RANBP6: variants seen among roughly 807,000 people sequenced by gnomAD.
The protein encoded by RANBP6 is RAN binding protein 6, also known as ran-binding protein 6.
RANBP6 carries 10 observed loss-of-function variants against 35.3 expected under a neutral mutation model. The ratio of observed to expected loss-of-function variants is 0.28; its 90% CI spans 0.17 to 0.48. RANBP6 has a LOEUF of 0.48. Ranked by LOEUF, RANBP6 falls within the 20% of genes least tolerant of loss-of-function variation. The pLI is 0.99. For synonymous variants in RANBP6, 514 were observed against 464.2 expected (o/e 1.11, Z -1.38); for missense variants, 1,392 against 1,307.7 (o/e 1.06, Z -0.99).
At position 6,013,429 on chromosome 9, in the gene RANBP6, C is replaced by T. The variant is rs1360127332; in HGVS notation, c.2179G>A (p.Val727Ile). 6 of 1,614,114 alleles carry T rather than the reference C, an allele frequency of 3.7e-6. No homozygotes were observed. In the East Asian group the frequency reaches 6.7e-5, roughly 18 times the overall value. Residue 727 changes from valine to isoleucine, a missense_variant, in exon 1 of 1, where the codon GTT becomes ATT. Val to Ile is a conservative substitution (Grantham distance 29). Transcript: ENST00000259569. Reference protein sequence around the residue: ...PLLKFYFHDNVRVAAAESMPF... With the variant: ...PLLKFYFHDNIRVAAAESMPF... ...ATGGACTCTGCTGCTGCCACTCGAA[C>T]ATTGTCATGGAAATAAAATTTCAGT...
At position 6,013,115 on chromosome 9, in the gene RANBP6, C is replaced by A. The variant is rs747257765; in HGVS notation, c.2493G>T (p.Gln831His). 1.2e-6 allele frequency: 2 copies of A among 1,614,030 alleles called. No individual in the cohort carries two copies. The highest frequency in any genetic ancestry group is 2.2e-5 in the East Asian group (1 of 44,880). The change falls in exon 1 of 1, where the codon CAG (glutamine) becomes CAT (histidine). Residue 831 changes from glutamine (Q) to histidine (H), a missense_variant. Transcript: ENST00000259569. ...VKRQEENYDQ[Q>H]VEMSLQDEDE... is the part of the protein sequence containing the mutation. ...CCTCATCTTGCAGAGACATCTCAAC[C>A]TGTTGATCATAGTTTTCTTCCTGTC...
Position 6,014,511 on chromosome 9 carries a change from A to G in RANBP6, c.1097T>C (p.Met366Thr). Reference sequence around the variant, plus strand: ...CATCTGCATGATATGCTCCTTGGTCATTGGTAAAACAACTTTTCCACCAAG... The same window carrying G: ...CATCTGCATGATATGCTCCTTGGTCGTTGGTAAAACAACTTTTCCACCAAG... ...CGLGGKVVLPMTKEHIMQMLQ... is the reference protein window; with the variant it reads ...CGLGGKVVLPTTKEHIMQMLQ... The change falls in exon 1 of 1, where the codon ATG (methionine) becomes ACG (threonine). Residue 366 changes from methionine (M) to threonine (T), a missense_variant. Met to Thr is a moderately conservative substitution (Grantham distance 81, BLOSUM62 -1). Transcript: ENST00000259569. 1 of 1,614,182 alleles carries G rather than the reference A, an allele frequency of 6.2e-7. No individual in the cohort carries two copies. Among genetic ancestry groups the G allele is most frequent in the Non-Finnish European group, 8.5e-7 (1 of 1,180,040 alleles).
Position 6,014,448 on chromosome 9 carries a change from A to G in RANBP6, c.1160T>C (p.Leu387Ser). Residue 387 changes from leucine (L) to serine (S), a missense_variant, in exon 1 of 1, where the codon TTA becomes TCA. Coordinates refer to ENST00000259569, the MANE Select transcript of RANBP6 (RefSeq NM_012416.4). The stretch of plus-strand genomic sequence containing the variant: ...TTCTCCAATGGCAGATAAGGCCATT[A>G]ATCCAGCATGTCGATACTTCCAGTC... Reference protein sequence around the residue: ...SPDWKYRHAGLMALSAIGEGC... With the variant: ...SPDWKYRHAGSMALSAIGEGC... 1 of 1,614,242 alleles carries G rather than the reference A, an allele frequency of 6.2e-7. No individual in the cohort carries two copies.
In RANBP6 at chr9:6,013,197, A is replaced by G. The variant is rs762881183; in HGVS notation, c.2411T>C (p.Ile804Thr). ...NDEHLEELGG[I>T]LKAKLEGHFK... ...GTGCCCTTCAAGTTTTGCTTTCAGT[A>G]TTCCTCCCAGTTCTTCCAAGTGTTC... is the stretch of plus-strand genomic sequence containing the variant. The change falls in exon 1 of 1, where the codon ATA becomes ACA. Residue 804 changes from isoleucine to threonine, a missense_variant. Ile to Thr is a moderately conservative substitution (Grantham distance 89, BLOSUM62 -1). Coordinates refer to ENST00000259569, the MANE Select transcript of RANBP6 (RefSeq NM_012416.4). The G allele has an allele frequency of 5.0e-6, 8 of 1,613,880 alleles. No individual in the cohort carries two copies. Among genetic ancestry groups the G allele is most frequent in the Non-Finnish European group, 6.8e-6 (8 of 1,180,002 alleles).
chr9:6,012,373 AAGTCTGT>A lies in RANBP6; in HGVS notation c.3228_3234del (p.Gln1077LeufsTer24), dbSNP rs748016777. 1 of 1,612,658 alleles carries A rather than the reference AAGTCTGT, an allele frequency of 6.2e-7. No individual in the cohort carries two copies. The highest frequency in any genetic ancestry group is 8.5e-7 in the Non-Finnish European group (1 of 1,179,682). On this transcript the variant is annotated frameshift_variant, in exon 1 of 1. Transcript: ENST00000259569. LOFTEE classifies it high-confidence loss of function. ...ACACATTCCAACCATAAATCTTCAGAAGTCTGTACCTGACGCACGACATTAGCTAGGC... is the reference window on the plus strand; with the variant it reads ...ACACATTCCAACCATAAATCTTCAGAACCTGACGCACGACATTAGCTAGGC...
rs771981526 is a variant in RANBP6, at chr9:6,012,418, G to T, written c.3190C>A (p.Pro1064Thr). The change falls in exon 1 of 1, where the codon CCT becomes ACT. Residue 1064 changes from proline to threonine, a missense_variant. Transcript: ENST00000259569. ...ACATTAGCTAGGCGTTTGGCACAAG[G>T]ATCCTCATAGTTAATAGTCTCATTA... ...KINETINYEDPCAKRLANVVR... is the reference protein window; with the variant it reads ...KINETINYEDTCAKRLANVVR... 3.1e-6 allele frequency: 5 copies of T among 1,613,928 alleles called. No individual in the cohort carries two copies. Among genetic ancestry groups the T allele is most frequent in the East Asian group, 4.5e-5 (2 of 44,886 alleles).
Position 6,015,131 on chromosome 9 carries a change from T to G in RANBP6, c.477A>C (p.Ala159=), listed in dbSNP as rs140606775. The G allele has an allele frequency of 1.9e-6, 3 of 1,614,076 alleles. No individual in the cohort carries two copies. Among genetic ancestry groups the G allele is most frequent in the Non-Finnish European group, 2.5e-6 (3 of 1,180,028 alleles). ...YSKNVVLWEV[A]LHVFWHFPGI... ...CAGGAAAGTGCCAGAAAACGTGAAG[T>G]GCAACTTCCCATAGAACCACATTTT... The change falls in exon 1 of 1, where the codon GCA becomes GCC. Residue 159 remains alanine, a synonymous_variant. Coordinates refer to ENST00000259569, the MANE Select transcript of RANBP6 (RefSeq NM_012416.4).
In RANBP6 at chr9:6,011,995, T is replaced by A. The variant is rs549971653; in HGVS notation, c.*295A>T. On this transcript the variant is annotated 3_prime_UTR_variant, in exon 1 of 1. Coordinates refer to ENST00000259569, the MANE Select transcript of RANBP6 (RefSeq NM_012416.4). Reference sequence around the variant, plus strand: ...AAGTATACTGCTTGGCTAGCATCAATAATAGTTCAAACAAATAGCAACAAT... The same window carrying A: ...AAGTATACTGCTTGGCTAGCATCAAAAATAGTTCAAACAAATAGCAACAAT... 1 of 218,496 alleles carries A rather than the reference T, an allele frequency of 4.6e-6. No individual in the cohort carries two copies. Among genetic ancestry groups the A allele is most frequent in the African/African-American group, 2.3e-5 (1 of 43,746 alleles). 13.5% of individuals were successfully genotyped at this position (218,496 alleles called of 1,614,324 possible). A position where few individuals can be genotyped will look rare whatever the true frequency, so the allele number is the denominator to read the frequency against.
Position 6,014,417 on chromosome 9 carries a change from G to C in RANBP6, c.1191C>G (p.Cys397Trp). ...CTAGAATTGATTCCATTTGTTGATG[G>C]CATCCTTCTCCAATGGCAGATAAGG... ...LMALSAIGEG[C>W]HQQMESILDE... is the part of the protein sequence containing the mutation. The change falls in exon 1 of 1, where the codon TGC becomes TGG. Residue 397 changes from cysteine (C) to tryptophan (W), a missense_variant. Physicochemically the swap from Cys to Trp is radical, Grantham distance 215. Coordinates refer to ENST00000259569, the MANE Select transcript of RANBP6 (RefSeq NM_012416.4). 1 of 1,614,086 alleles carries C rather than the reference G, an allele frequency of 6.2e-7. No individual in the cohort carries two copies. Among genetic ancestry groups the C allele is most frequent in the Non-Finnish European group, 8.5e-7 (1 of 1,180,002 alleles).
Position 6,015,586 on chromosome 9 carries a change from C to A in RANBP6, c.22G>T (p.Gly8Trp), listed in dbSNP as rs373302472. ...TTTTCTGACACGGTCGCCGGCACCC[C>A]TGCAGACGCGGTTGCCGCCATTGCG... MAATASA[G>W]VPATVSEKQE... The change falls in exon 1 of 1, where the codon GGG (glycine) becomes TGG (tryptophan). Residue 8 changes from glycine to tryptophan, a missense_variant. Transcript: ENST00000259569. 107 of 1,599,256 alleles carry A rather than the reference C, an allele frequency of 6.7e-5. No individual in the cohort carries two copies. The highest frequency in any genetic ancestry group is 8.9e-5 in the Non-Finnish European group (105 of 1,177,826).
At position 6,011,469 on chromosome 9, in the gene RANBP6, A is replaced by T. The variant is rs980343701; in HGVS notation, c.*821T>A. The T allele has an allele frequency of 6.6e-6, 1 of 152,204 alleles. No individual in the cohort carries two copies. The highest frequency in any genetic ancestry group is 6.5e-5 in the Admixed American group (1 of 15,268). The allele number at this position is 152,204 out of a possible 1,614,324, so 9.4% of individuals were successfully genotyped here. A position where few individuals can be genotyped will look rare whatever the true frequency, so the allele number is the denominator to read the frequency against. ...TTTTTCTCTTGTTGAGCTGCTTTGC[A>T]GGGAGAAAATGGCATACATATACAA... On this transcript the variant is annotated 3_prime_UTR_variant, in exon 1 of 1. Transcript: ENST00000259569.
rs1842555630 is a variant in RANBP6 at position 6,015,331 on chromosome 9, C to T, written c.277G>A (p.Val93Ile). 1 of 1,614,212 alleles carries T rather than the reference C, an allele frequency of 6.2e-7. No homozygotes were observed. Among genetic ancestry groups the T allele is most frequent in the Non-Finnish European group, 8.5e-7 (1 of 1,180,040 alleles). Reference protein sequence around the residue: ...EEVYPNLPADVQRDVKIELIL... With the variant: ...EEVYPNLPADIQRDVKIELIL... ...AGTTCAATCTTGACATCTCTCTGAA[C>T]ATCAGCAGGCAGATTTGGATAAACC... Residue 93 changes from valine (V) to isoleucine (I), a missense_variant, in exon 1 of 1, where the codon GTT becomes ATT. Coordinates refer to ENST00000259569, the MANE Select transcript of RANBP6 (RefSeq NM_012416.4).
Position 6,014,442 on chromosome 9 carries a change from G to A in RANBP6, c.1166C>T (p.Ala389Val). Residue 389 changes from alanine to valine, a missense_variant, in exon 1 of 1, where the codon GCC becomes GTC. Ala to Val is a moderately conservative substitution (Grantham distance 64). Transcript: ENST00000259569. ...DWKYRHAGLMALSAIGEGCHQ... is the reference protein window; with the variant it reads ...DWKYRHAGLMVLSAIGEGCHQ... ...GCATCCTTCTCCAATGGCAGATAAGGCCATTAATCCAGCATGTCGATACTT... is the reference window on the plus strand; with the variant it reads ...GCATCCTTCTCCAATGGCAGATAAGACCATTAATCCAGCATGTCGATACTT... 4 of 1,614,132 alleles carry A rather than the reference G, an allele frequency of 2.5e-6. No homozygotes were observed. The highest frequency in any genetic ancestry group is 1.3e-5 in the African/African-American group (1 of 75,024).
At position 6,011,089 on chromosome 9, in the gene RANBP6, T is replaced by A. The variant is rs1842462505; in HGVS notation, c.*1201A>T. ...CACTTACTAGGTCTTAAATATTTGC[T>A]AAATACATACACAGTACTCACAATA... On this transcript the variant is annotated 3_prime_UTR_variant, in exon 1 of 1. Coordinates refer to ENST00000259569, the MANE Select transcript of RANBP6 (RefSeq NM_012416.4). 1.3e-5 allele frequency: 2 copies of A among 152,206 alleles called. No individual in the cohort carries two copies. The highest frequency in any genetic ancestry group is 4.8e-5 in the African/African-American group (2 of 41,450). 9.4% of individuals were successfully genotyped at this position (152,206 alleles called of 1,614,324 possible). A position where few individuals can be genotyped will look rare whatever the true frequency, so the allele number is the denominator to read the frequency against.
rs1745416022 is a variant in RANBP6 at position 6,011,647 on chromosome 9, T to G, written c.*643A>C. ...TGGAGTCCTGGATAACTTAAAAAAA[T>G]AGAGACCTGTCTGGCTAAAGAAATT... On this transcript the variant is annotated 3_prime_UTR_variant, in exon 1 of 1. Coordinates refer to ENST00000259569, the MANE Select transcript of RANBP6 (RefSeq NM_012416.4). 6.6e-6 allele frequency: 1 copy of G among 152,170 alleles called. No homozygotes were observed. Among genetic ancestry groups the G allele is most frequent in the Admixed American group, 6.5e-5 (1 of 15,272 alleles). The allele number at this position is 152,170 out of a possible 1,614,324, so 9.4% of individuals were successfully genotyped here.
In RANBP6 at chr9:6,013,529, C is replaced by T. The variant is rs1193491680; in HGVS notation, c.2079G>A (p.Leu693=). 1.2e-6 allele frequency: 2 copies of T among 1,614,008 alleles called. No individual in the cohort carries two copies. Among genetic ancestry groups the T allele is most frequent in the Non-Finnish European group, 1.7e-6 (2 of 1,180,018 alleles). Residue 693 remains leucine (L), a synonymous_variant, in exon 1 of 1, where the codon TTG becomes TTA. Transcript: ENST00000259569. ...CCCTTAACTCCTTAGCATAGTAAAC[C>T]AACATTTGGCAAGCAGTTGCTTTTG... The part of the protein sequence containing the change: ...LEAKATACQM[L]VYYAKELREG...
rs373190234 is a variant in RANBP6 at position 6,015,361 on chromosome 9, C to G, written c.247G>C (p.Glu83Gln). ...GCAGGCAGATTTGGATAAACCTCCT[C>G]AAACCCAGAGGACAAAAGCCGTCGT... ...LLRRLLSSGF[E>Q]EVYPNLPADV... Residue 83 changes from glutamate (E) to glutamine (Q), a missense_variant, in exon 1 of 1, where the codon GAG (glutamate) becomes CAG (glutamine). Transcript: ENST00000259569. 6.2e-7 allele frequency: 1 copy of G among 1,614,104 alleles called. No homozygotes were observed. Among genetic ancestry groups the G allele is most frequent in the African/African-American group, 1.3e-5 (1 of 74,922 alleles).
rs1842498639 is a variant in RANBP6, at chr9:6,012,806, A to T, written c.2802T>A (p.Ala934=). 6.2e-7 allele frequency: 1 copy of T among 1,614,052 alleles called. No homozygotes were observed. Among genetic ancestry groups the T allele is most frequent in the Non-Finnish European group, 8.5e-7 (1 of 1,180,034 alleles). ...DNNPEVRQAA[A]YGLGVMAQFG... ...ACTGTGCCATGACACCCAGGCCATAAGCAGCAGCTTGCCTGACTTCAGGGT... is the reference window on the plus strand; with the variant it reads ...ACTGTGCCATGACACCCAGGCCATATGCAGCAGCTTGCCTGACTTCAGGGT... Residue 934 remains alanine, a synonymous_variant, in exon 1 of 1, where the codon GCT becomes GCA. Transcript: ENST00000259569.
rs769679019 is a variant in RANBP6, at chr9:6,012,838, C to T, written c.2770G>A (p.Asp924Asn). The T allele has an allele frequency of 3.1e-6, 5 of 1,614,052 alleles. No homozygotes were observed. The highest frequency in any genetic ancestry group is 4.2e-6 in the Non-Finnish European group (5 of 1,179,990). ...FRWPMLLNMR[D>N]NNPEVRQAAA... Reference sequence around the variant, plus strand: ...GCTTGCCTGACTTCAGGGTTGTTATCTCGCATATTTAGTAGCATTGGCCAC... The same window carrying T: ...GCTTGCCTGACTTCAGGGTTGTTATTTCGCATATTTAGTAGCATTGGCCAC... The change falls in exon 1 of 1, where the codon GAT becomes AAT. Residue 924 changes from aspartate to asparagine, a missense_variant. Asp to Asn is a conservative substitution (Grantham distance 23). Coordinates refer to ENST00000259569, the MANE Select transcript of RANBP6 (RefSeq NM_012416.4).
Sources: gnomAD v4.1 joint callset for allele counts on GRCh38, gnomAD v4.1.1 for gene constraint, MANE v1.5 for transcripts, NCBI Gene and HGNC (gene_info 2026-07-23, HGNC 2026-07-21) for gene names.